TTC28: variants seen among roughly 807,000 people sequenced by gnomAD.
The protein encoded by TTC28 is tetratricopeptide repeat domain 28.
TTC28 carries 61 observed loss-of-function variants against 198.0 expected under a neutral mutation model. The ratio of observed to expected loss-of-function variants is 0.31; its 90% CI spans 0.25 to 0.38. TTC28 has a LOEUF of 0.38. Among genes scored for constraint, TTC28 ranks in the 10% least tolerant of loss-of-function variants. TTC28 has a pLI of 1.00. For synonymous variants in TTC28, 1,171 were observed against 1,297.8 expected (o/e 0.90, Z 2.10); for missense variants, 2,678 against 3,164.0 (o/e 0.85, Z 3.69).
intron 5 of TTC28, among the ~76,000 whole-genome samples, chr22:28,193,296 T>C (rs1222196172): frequency 1.3e-5 from 2 of 152,102 alleles, no homozygotes; most frequent in East Asian, 3.9e-4. Context: ...GCACTAAACA[T>C]GGAAAGGAAC....
In TTC28 at chr22:28,132,900, T is replaced by C. The variant is rs529141499; in HGVS notation, c.1442-24497A>G. 9.3e-4 allele frequency among the ~76,000 whole-genome samples: 142 copies of C among 152,298 alleles called. 1 individual carries two copies. Among genetic ancestry groups the C allele is most frequent in the African/African-American group, 3.2e-3 (135 of 41,552 alleles). On this transcript the variant is annotated intron_variant, in intron 6 of 22. Transcript: ENST00000397906. ...CTATAGACAATGTTAAATAAGGACT[T>C]ACTATATATGAGATAATATAAATAT...
intron 14 of TTC28, chr22:28,008,117 C>G (rs1382690794): frequency 6.6e-6 from 1 of 152,224 alleles, no homozygotes; most frequent in Admixed American, 6.5e-5. Context: ...ATTTAGAAAA[C>G]AGGCAGCCAC....
At chr22:28,453,485 G>A (rs2047814444) in intron 2 of TTC28, among the ~76,000 whole-genome samples, 1 of 152,160 alleles carries the variant, frequency 6.6e-6, no homozygotes, top group Non-Finnish European at 1.5e-5. Context: ...CCTCTAAGAT[G>A]TCTAACACAC....
intron 5 of TTC28, among the ~76,000 whole-genome samples, chr22:28,237,999 A>C (rs1929373116): frequency 6.6e-6 from 1 of 152,078 alleles, no homozygotes; most frequent in African/African-American, 2.4e-5. Flanking sequence ...TCTTTATGTA[A>C]TGTAGTTTCT....
intron 11 of TTC28, among the ~76,000 whole-genome samples, chr22:28,095,871 C>T (rs1374597572): frequency 6.6e-6 from 1 of 152,186 alleles, no homozygotes; most frequent in African/African-American, 2.4e-5. Context: ...TTGCAGTCAT[C>T]ACTTTATTAG....
intron 2 of TTC28, among the ~76,000 whole-genome samples, chr22:28,344,275 A>G (rs1221478367): frequency 6.6e-6 from 1 of 151,976 alleles, no homozygotes. Context: ...TACCATAAAA[A>G]TCCCAGCAAA....
rs1937336426 is a variant in TTC28, at chr22:27,989,868, C to A, written c.5707+10G>T. ...CAAGAACCCATTTAAGTCAAGGATT[C>A]TCTGCCTACCTAGAGCTGCCAGGAA... On this transcript the variant is annotated intron_variant, in intron 21 of 22. Coordinates refer to ENST00000397906, the MANE Select transcript of TTC28 (RefSeq NM_001145418.2). The A allele has an allele frequency of 1.9e-6, 3 of 1,547,394 alleles. No individual in the cohort carries two copies. The highest frequency in any genetic ancestry group is 1.2e-5 in the South Asian group (1 of 83,742).
chr22:28,070,801 A>G (rs1940936765), intron 12 of TTC28, among the ~76,000 whole-genome samples: 1 of 152,212 alleles, frequency 6.6e-6, no homozygotes, highest in African/African-American at 2.4e-5. Context: ...GATAATCAAT[A>G]TATGTGACAC....
At chr22:28,228,671 G>C (rs745835222) in intron 5 of TTC28, among the ~76,000 whole-genome samples, 22 of 152,024 alleles carry the variant, frequency 1.4e-4, no homozygotes, top group Non-Finnish European at 3.1e-4. Flanking sequence ...CTGCACTCCA[G>C]CCTGGGCAAC....
At chr22:28,437,832 C>T (rs1484428114) in intron 2 of TTC28, among the ~76,000 whole-genome samples, 1 of 151,714 alleles carries the variant, frequency 6.6e-6, no homozygotes, top group Non-Finnish European at 1.5e-5. Flanking sequence ...TAAGTAATTA[C>T]TTGGAAGGAT....
intron 5 of TTC28, among the ~76,000 whole-genome samples, chr22:28,167,497 C>T (rs940320929): frequency 1.3e-5 from 2 of 152,148 alleles, no homozygotes; most frequent in African/African-American, 4.8e-5. Flanking sequence ...TTCATCTCTG[C>T]GATGCAAGGC....
intron 2 of TTC28, among the ~76,000 whole-genome samples, chr22:28,527,716 G>A (rs1214870066): frequency 6.6e-6 from 1 of 152,094 alleles, no homozygotes; most frequent in East Asian, 1.9e-4. Flanking sequence ...GCTCACTGCA[G>A]CCTTGACCTC....
intron 6 of TTC28, among the ~76,000 whole-genome samples, chr22:28,154,393 C>A (rs2147028083): frequency 6.6e-6 from 1 of 150,404 alleles, no homozygotes; most frequent in South Asian, 2.1e-4. Context: ...ACTCTGTCGC[C>A]CAGGCTGGAG....
intron 2 of TTC28, among the ~76,000 whole-genome samples, chr22:28,311,259 C>T (rs1304115980): frequency 1.3e-5 from 2 of 149,336 alleles, no homozygotes; most frequent in East Asian, 1.9e-4. Context: ...ACTAAATTTT[C>T]CCTTTATTTT....
intron 12 of TTC28, among the ~76,000 whole-genome samples, chr22:28,090,327 A>G (rs1365038404): frequency 1.3e-5 from 2 of 152,070 alleles, no homozygotes; most frequent in Non-Finnish European, 2.9e-5. Context: ...CAGTAATTCT[A>G]TATCCTATTT....
At chr22:28,351,363 C>A (rs1227115260) in intron 2 of TTC28, among the ~76,000 whole-genome samples, 1 of 152,080 alleles carries the variant, frequency 6.6e-6, no homozygotes, top group Non-Finnish European at 1.5e-5. Context: ...AAGAAAAATA[C>A]TACCAAAACA....
chr22:28,230,334 A>G (rs894291408), intron 5 of TTC28, among the ~76,000 whole-genome samples: 1 of 152,252 alleles, frequency 6.6e-6, no homozygotes, highest in Admixed American at 6.5e-5. Flanking sequence ...TATTCCACAG[A>G]GAGATCTGTT....
intron 2 of TTC28, among the ~76,000 whole-genome samples, chr22:28,561,809 A>C (rs534776461): frequency 1.3e-5 from 2 of 152,266 alleles, no homozygotes; most frequent in African/African-American, 4.8e-5. Flanking sequence ...TACTTCAGAA[A>C]GGCTTTTTTT....
At chr22:28,270,013 C>T (rs930419885) in intron 5 of TTC28, among the ~76,000 whole-genome samples, 1 of 152,174 alleles carries the variant, frequency 6.6e-6, no homozygotes, top group African/African-American at 2.4e-5. Flanking sequence ...AAGCCAAACT[C>T]TGTAAAATAT....
Sources: allele counts gnomAD v4.1 joint callset (sites outside exome capture counted in the v4.1 genomes callset), GRCh38; gene constraint gnomAD v4.1.1; transcripts MANE v1.5; gene names NCBI Gene and HGNC (gene_info 2026-07-23, HGNC 2026-07-21).